Variants in ERBB4 observed in about 807,000 individuals in gnomAD.
ERBB4 encodes the protein erb-b2 receptor tyrosine kinase 4.
A neutral mutation model predicts 158.0 loss-of-function variants in ERBB4; 42 were observed. The ratio of observed to expected loss-of-function variants is 0.27; its 90% CI spans 0.21 to 0.34. The LOEUF (loss-of-function observed/expected upper bound fraction) is 0.34. Among genes scored for constraint, ERBB4 ranks in the 10% least tolerant of loss-of-function variants. The probability of loss-of-function intolerance (pLI) is 1.00; values close to 1 mark genes in which losing one functional copy is unlikely to be tolerated. For synonymous variants in ERBB4, 583 were observed against 558.7 expected (o/e 1.04, Z -0.61); for missense variants, 1,333 against 1,624.1 (o/e 0.82, Z 3.08).
chr2:211,950,735 G>A (rs934448143), intron 2 of ERBB4, among the ~76,000 whole-genome samples: 3 of 152,142 alleles, frequency 2.0e-5, no homozygotes, highest in African/African-American at 7.2e-5. Flanking sequence ...CTAAGACAGT[G>A]AGTGTCTTGG....
intron 5 of ERBB4, among the ~76,000 whole-genome samples, chr2:211,735,612 A>T (rs1240442112): frequency 1.3e-5 from 2 of 152,148 alleles, no homozygotes; most frequent in Non-Finnish European, 2.9e-5. Context: ...ATGAAAACTA[A>T]GATATTACTC....
intron 2 of ERBB4, among the ~76,000 whole-genome samples, chr2:212,097,935 GA>G (rs2078976569): frequency 6.6e-6 from 1 of 152,198 alleles, no homozygotes; most frequent in Admixed American, 6.5e-5. Flanking sequence ...TCTTGACTTC[GA>G]ACATATTAGA....
At chr2:212,009,153 C>G (rs2076325321) in intron 2 of ERBB4, among the ~76,000 whole-genome samples, 1 of 151,790 alleles carries the variant, frequency 6.6e-6, no homozygotes, top group African/African-American at 2.4e-5. Context: ...TTTGGTGTCC[C>G]CCAACCCCCC....
intron 3 of ERBB4, among the ~76,000 whole-genome samples, chr2:211,827,007 T>C (rs2077115171): frequency 6.6e-6 from 1 of 151,998 alleles, no homozygotes; most frequent in Non-Finnish European, 1.5e-5. Context: ...TGTGTTGGGA[T>C]AAACACACAG....
intron 2 of ERBB4, among the ~76,000 whole-genome samples, chr2:211,948,785 C>G (rs541639803): frequency 6.6e-6 from 1 of 152,104 alleles, no homozygotes; most frequent in Non-Finnish European, 1.5e-5. Flanking sequence ...TACTTCCCCC[C>G]ACCCTGTCTA....
chr2:212,117,966 A>G (rs1261537611), intron 2 of ERBB4, among the ~76,000 whole-genome samples: 1 of 152,212 alleles, frequency 6.6e-6, no homozygotes, highest in Non-Finnish European at 1.5e-5. Flanking sequence ...AGTACTGTAT[A>G]AATTATCTAT....
At chr2:211,612,287 T>C (rs556878822) in intron 19 of ERBB4, among the ~76,000 whole-genome samples, 1 of 152,112 alleles carries the variant, frequency 6.6e-6, no homozygotes, top group Middle Eastern at 3.2e-3. Context: ...GTCTCCTATG[T>C]GCTGATATTG....
chr2:211,416,234 T>C (rs535007148), intron 25 of ERBB4, among the ~76,000 whole-genome samples: 1 of 152,300 alleles, frequency 6.6e-6, no homozygotes, highest in East Asian at 1.9e-4. Flanking sequence ...ACTATTTTTA[T>C]TCATTGCTAT....
chr2:212,144,161 C>T (rs6435692), intron 1 of ERBB4, among the ~76,000 whole-genome samples: 98,176 of 152,048 alleles, frequency 0.65, 32,775 homozygotes, highest in African/African-American at 0.75. Context: ...TGCATGCTAA[C>T]TTTTTTTCAG....
chr2:211,670,360 T>C (rs894805003), intron 14 of ERBB4, among the ~76,000 whole-genome samples: 3 of 152,212 alleles, frequency 2.0e-5, no homozygotes, highest in Non-Finnish European at 4.4e-5. Flanking sequence ...TCTTACCTGC[T>C]TAGCATTCAA....
intron 1 of ERBB4, among the ~76,000 whole-genome samples, chr2:212,325,750 T>C (rs960825911): frequency 6.6e-6 from 1 of 150,382 alleles, no homozygotes; most frequent in Admixed American, 6.6e-5. Flanking sequence ...TTATCAAAAC[T>C]GGGTTAAAAT....
intron 1 of ERBB4, among the ~76,000 whole-genome samples, chr2:212,140,152 ATTTTTTATTGTTCTGGT>A (rs1386559029): frequency 1.3e-5 from 2 of 151,504 alleles, no homozygotes; most frequent in East Asian, 3.8e-4. Flanking sequence ...CAGTTGCATC[ATTTTTTATTGTTCTGGT>A]CTCAAAAACT....
At chr2:211,629,561 G>A (rs1218371750) in intron 17 of ERBB4, among the ~76,000 whole-genome samples, 1 of 152,038 alleles carries the variant, frequency 6.6e-6, no homozygotes, top group African/African-American at 2.4e-5. Flanking sequence ...AAATTCATAT[G>A]GAACCAAAAA....
intron 1 of ERBB4, among the ~76,000 whole-genome samples, chr2:212,317,193 A>T (rs955149062): frequency 1.3e-5 from 2 of 151,518 alleles, no homozygotes; most frequent in African/African-American, 4.8e-5. Context: ...ACTAATAGAA[A>T]ATCAGCATTT....
intron 1 of ERBB4, among the ~76,000 whole-genome samples, chr2:212,234,290 T>C (rs987298011): frequency 6.6e-6 from 1 of 152,140 alleles, no homozygotes; most frequent in African/African-American, 2.4e-5. Flanking sequence ...GTATCATCCA[T>C]GTCCCTGCAA....
chr2:212,470,890 A>G (rs1689085404), intron 1 of ERBB4, among the ~76,000 whole-genome samples: 1 of 152,100 alleles, frequency 6.6e-6, no homozygotes, highest in South Asian at 2.1e-4. Flanking sequence ...AAAAGCTATC[A>G]ATTAACATGT....
chr2:212,422,703 A>G (rs1250945059), intron 1 of ERBB4, among the ~76,000 whole-genome samples: 3 of 152,230 alleles, frequency 2.0e-5, no homozygotes, highest in South Asian at 2.1e-4. Context: ...TCAGTGATCT[A>G]CCATTATAAG....
intron 1 of ERBB4, among the ~76,000 whole-genome samples, chr2:212,228,327 A>G (rs1466795168): frequency 6.6e-6 from 1 of 152,198 alleles, no homozygotes; most frequent in African/African-American, 2.4e-5. Flanking sequence ...TGAACTTTAG[A>G]TGATTTGAGA....
chr2:211,762,551 G>GA (rs1477439009), intron 4 of ERBB4, among the ~76,000 whole-genome samples: 1 of 152,172 alleles, frequency 6.6e-6, no homozygotes, highest in African/African-American at 2.4e-5. Context: ...GTGGATTAGT[G>GA]AAGAAGATTA....
Sources: allele counts gnomAD v4.1 joint callset (sites outside exome capture counted in the v4.1 genomes callset), GRCh38; gene constraint gnomAD v4.1.1; transcripts MANE v1.5; gene names NCBI Gene and HGNC (gene_info 2026-07-23, HGNC 2026-07-21).